GPR89B: variants seen among roughly 807,000 people sequenced by gnomAD.
GPR89B encodes golgi pH regulator B.
A neutral mutation model predicts 52.4 loss-of-function variants in GPR89B; 25 were observed. The observed-to-expected ratio is 0.48, with a 90% CI of 0.35 to 0.67. The LOEUF is 0.67. GPR89B is among the 30% of genes least tolerant of loss of function. The pLI is 0.01. For missense variants in GPR89B, 146 were observed against 450.2 expected (o/e 0.32, Z 6.11); for synonymous variants, 52 against 151.2 (o/e 0.34, Z 4.81).
intron 1 of GPR89B, 39 bp downstream of exon 1, chr1:147,928,617 C>T: frequency 1.9e-6 from 3 of 1,613,282 alleles, no homozygotes; most frequent in Non-Finnish European, 2.5e-6. Flanking sequence ...CGTCCGCCTC[C>T]CTTCACCGAA....
At chr1:147,955,404 A>C (rs1224347630) in intron 7 of GPR89B, among the ~76,000 whole-genome samples, 1 of 152,000 alleles carries the variant, frequency 6.6e-6, no homozygotes, top group Non-Finnish European at 1.5e-5. Context: ...CTGATTTCAG[A>C]TCTTTTGGGT....
intron 2 of GPR89B, among the ~76,000 whole-genome samples, chr1:147,937,049 A>C (rs1654146608): frequency 6.6e-6 from 1 of 152,152 alleles, no homozygotes; most frequent in Admixed American, 6.5e-5. Context: ...AGTTAATACC[A>C]AAATCCCAAG....
At chr1:147,948,979 C>T (rs1225638398) in intron 5 of GPR89B, among the ~76,000 whole-genome samples, 5 of 151,896 alleles carry the variant, frequency 3.3e-5, no homozygotes. Flanking sequence ...AGCATGCTGC[C>T]TTCAAGCATC....
chr1:148,019,775 C>G, the GPR89B span, among the ~76,000 whole-genome samples: 3 of 152,098 alleles, frequency 2.0e-5, no homozygotes, highest in East Asian at 3.9e-4. Flanking sequence ...TACCTAGAAT[C>G]AAATGGAACT....
intron 5 of GPR89B, among the ~76,000 whole-genome samples, chr1:147,951,099 G>T (rs1204501556): frequency 2.6e-5 from 4 of 151,782 alleles, no homozygotes; most frequent in Non-Finnish European, 4.4e-5. Flanking sequence ...CCATAGTGTC[G>T]TAGTGGTTAA....
intron 5 of GPR89B, among the ~76,000 whole-genome samples, chr1:147,949,788 G>C (rs1290550439): frequency 3.4e-5 from 5 of 144,974 alleles, no homozygotes; most frequent in Non-Finnish European, 6.0e-5. Flanking sequence ...ACGGCTGGCC[G>C]GGCAGGGGGC....
At chr1:147,968,645 C>G (rs1252225678) in intron 8 of GPR89B, 1 of 612,534 alleles carries the variant, frequency 1.6e-6, no homozygotes, top group Non-Finnish European at 2.9e-6. Flanking sequence ...TTAAGAGAAA[C>G]TGAGTGGTAA....
At chr1:147,981,919 T>C (rs1658283396) in intron 10 of GPR89B, among the ~76,000 whole-genome samples, 1 of 151,892 alleles carries the variant, frequency 6.6e-6, no homozygotes, top group African/African-American at 2.4e-5. Context: ...CCCAAAGTGC[T>C]GGGATTATAT....
At chr1:147,979,459 T>A (rs1336093234) in intron 10 of GPR89B, among the ~76,000 whole-genome samples, 38 of 152,296 alleles carry the variant, frequency 2.5e-4, no homozygotes, top group Admixed American at 2.0e-3. Context: ...GTCATCCTAT[T>A]GTTATTCCTG....
the GPR89B span, among the ~76,000 whole-genome samples, chr1:148,000,793 A>AAAC: frequency 5.8e-5 from 8 of 138,134 alleles, no homozygotes; most frequent in Middle Eastern, 3.5e-3. Flanking sequence ...AAAAAAAAAA[A>AAAC]AACAACAACA....
intron 12 of GPR89B, among the ~76,000 whole-genome samples, chr1:147,991,239 GCTCT>G (rs1659043878): frequency 6.6e-6 from 1 of 151,760 alleles, no homozygotes; most frequent in South Asian, 2.1e-4. Flanking sequence ...TCATGATTTG[GCTCT>G]CTGTTTGTCT....
chr1:147,942,947 CAA>C (rs1381220187), intron 3 of GPR89B, among the ~76,000 whole-genome samples: 2 of 77,246 alleles, frequency 2.6e-5, no homozygotes, highest in African/African-American at 1.0e-4. Flanking sequence ...AAAGTGCTAA[CAA>C]AAAGTTTTAA....
At chr1:148,021,826 G>C in the GPR89B span, 1 of 148,538 alleles carries the variant, frequency 6.7e-6, no homozygotes, top group Non-Finnish European at 1.5e-5. Context: ...GCAATCATTA[G>C]CTCTGGAGGC....
chr1:147,932,095 T>A (rs1206968215), intron 1 of GPR89B, among the ~76,000 whole-genome samples: 1 of 152,160 alleles, frequency 6.6e-6, no homozygotes, highest in Non-Finnish European at 1.5e-5. Context: ...TTTTTAATCA[T>A]CCATTTCCAC....
chr1:148,004,539 T>C, the GPR89B span, among the ~76,000 whole-genome samples: 1 of 124,462 alleles, frequency 8.0e-6, no homozygotes, highest in Non-Finnish European at 1.7e-5. Flanking sequence ...TGAGCCCAAG[T>C]AGGAGCTGGA....
chr1:148,007,791 GC>G, the GPR89B span, among the ~76,000 whole-genome samples: 1 of 138,600 alleles, frequency 7.2e-6, no homozygotes, highest in Non-Finnish European at 1.6e-5. Context: ...TCTGTGCTGG[GC>G]CATTATTAAG....
chr1:147,941,187 G>T (rs1654527646), intron 3 of GPR89B, among the ~76,000 whole-genome samples: 1 of 152,094 alleles, frequency 6.6e-6, no homozygotes, highest in Non-Finnish European at 1.5e-5. Context: ...ATGTAATCTT[G>T]TTGGGATCCT....
At chr1:148,013,892 G>A in the GPR89B span, among the ~76,000 whole-genome samples, 551 of 152,114 alleles carry the variant, frequency 3.6e-3, 12 homozygotes, top group African/African-American at 0.013. Flanking sequence ...GATATGTGAA[G>A]CAGCTCTGGC....
At chr1:148,021,639 G>A in the GPR89B span, among the ~76,000 whole-genome samples, 2 of 151,808 alleles carry the variant, frequency 1.3e-5, no homozygotes, top group Non-Finnish European at 2.9e-5. Flanking sequence ...TCCTGTCGAG[G>A]AAGGCCCAGT....
Sources: gnomAD v4.1 joint callset for allele counts (sites outside exome capture counted in the v4.1 genomes callset) on GRCh38, gnomAD v4.1.1 for gene constraint, MANE v1.5 for transcripts, NCBI Gene and HGNC (gene_info 2026-07-23, HGNC 2026-07-21) for gene names.